Variants in ADGRL3 observed in about 807,000 individuals in gnomAD.
ADGRL3 encodes calcium-independent alpha-latrotoxin receptor 3.
Under a neutral mutation model 153.5 loss-of-function variants are expected in ADGRL3, and 62 were observed. That is an observed-to-expected ratio of 0.40 (90% CI 0.33 to 0.50). The LOEUF (loss-of-function observed/expected upper bound fraction) is 0.50, where lower values mean the gene tolerates loss of function less well. ADGRL3 is among the 20% of genes least tolerant of loss of function. The probability of loss-of-function intolerance (pLI) is 0.47; values close to 1 mark genes in which losing one functional copy is unlikely to be tolerated. For missense variants in ADGRL3, 1,641 were observed against 1,859.4 expected (o/e 0.88, Z 2.16); for synonymous variants, 710 against 672.5 (o/e 1.06, Z -0.86).
intron 1 of ADGRL3, among the ~76,000 whole-genome samples, chr4:61,291,306 A>C (rs1326301078): frequency 6.6e-6 from 1 of 151,878 alleles, no homozygotes; most frequent in African/African-American, 2.4e-5. Flanking sequence ...AAAAAAATTG[A>C]AAATAACTGT....
At chr4:61,887,348 A>T (rs957240809) in intron 9 of ADGRL3, among the ~76,000 whole-genome samples, 10 of 152,166 alleles carry the variant, frequency 6.6e-5, no homozygotes, top group African/African-American at 2.4e-4. Context: ...GCATGAAATC[A>T]TTGAGAATGA....
chr4:61,680,964 G>T (rs1399977519), intron 6 of ADGRL3, among the ~76,000 whole-genome samples: 1 of 152,040 alleles, frequency 6.6e-6, no homozygotes, highest in East Asian at 1.9e-4. Flanking sequence ...CTCAGTTCCA[G>T]TATGACTTTT....
At chr4:61,320,372 T>C (rs1303726944) in intron 1 of ADGRL3, among the ~76,000 whole-genome samples, 1 of 152,214 alleles carries the variant, frequency 6.6e-6, no homozygotes, top group East Asian at 1.9e-4. Context: ...GTTCTTTAGA[T>C]AAACAGAACT....
chr4:61,760,156 G>T (rs1239160577), intron 8 of ADGRL3, among the ~76,000 whole-genome samples: 1 of 152,102 alleles, frequency 6.6e-6, no homozygotes, highest in Non-Finnish European at 1.5e-5. Context: ...CCAGCTGCAT[G>T]CTGGGAGAAC....
chr4:61,302,736 A>G (rs1267268966), intron 1 of ADGRL3, among the ~76,000 whole-genome samples: 1 of 152,120 alleles, frequency 6.6e-6, no homozygotes, highest in African/African-American at 2.4e-5. Flanking sequence ...ATTTTTAAAA[A>G]CCAAGTACCC....
rs1383071860 is a variant in ADGRL3, at chr4:61,912,600, G to A, written c.2074-119G>A. On this transcript the variant is annotated intron_variant, in intron 12 of 26. Coordinates refer to ENST00000683033, the MANE Select transcript of ADGRL3 (RefSeq NM_001387552.1). ...CTTAGCTTTCATTTTCTTCTGAAAAGTAGTGAATGACAAAATAAGGTGTTT... is the reference window on the plus strand; with the variant it reads ...CTTAGCTTTCATTTTCTTCTGAAAAATAGTGAATGACAAAATAAGGTGTTT... 26 of 836,632 alleles carry A rather than the reference G, an allele frequency of 3.1e-5. No individual in the cohort carries two copies. The Admixed American group carries it at 6.0e-4, about 19-fold the overall frequency. 51.8% of individuals were successfully genotyped at this position (836,632 alleles called of 1,614,324 possible).
At chr4:61,704,265 A>G (rs972727121) in intron 6 of ADGRL3, among the ~76,000 whole-genome samples, 8 of 152,192 alleles carry the variant, frequency 5.3e-5, no homozygotes, top group Non-Finnish European at 7.4e-5. Flanking sequence ...GAGTACAGGC[A>G]TACCTCAGAG....
intron 1 of ADGRL3, among the ~76,000 whole-genome samples, chr4:61,343,262 C>G (rs74383124): frequency 6.6e-6 from 1 of 152,138 alleles, no homozygotes; most frequent in Non-Finnish European, 1.5e-5. Context: ...CAAAAATCAG[C>G]GCTAACTTTC....
chr4:61,357,709 A>AT (rs1267602096), intron 1 of ADGRL3, among the ~76,000 whole-genome samples: 2 of 152,268 alleles, frequency 1.3e-5, no homozygotes, highest in Middle Eastern at 3.4e-3. Flanking sequence ...ATATATGTAA[A>AT]TTTTTTTGAC....
intron 3 of ADGRL3, among the ~76,000 whole-genome samples, chr4:61,510,154 T>C (rs959852482): frequency 1.3e-5 from 2 of 152,172 alleles, no homozygotes; most frequent in African/African-American, 4.8e-5. Context: ...CTCTCTGTAA[T>C]ATTAGATGTT....
At chr4:61,877,542 GA>G (rs1165530129) in intron 9 of ADGRL3, among the ~76,000 whole-genome samples, 6 of 152,168 alleles carry the variant, frequency 3.9e-5, no homozygotes, top group African/African-American at 1.4e-4. Context: ...CATGAATGGA[GA>G]CTTTTTGAAA....
intron 2 of ADGRL3, among the ~76,000 whole-genome samples, chr4:61,394,091 G>T (rs945346746): frequency 6.6e-6 from 1 of 152,072 alleles, no homozygotes; most frequent in African/African-American, 2.4e-5. Flanking sequence ...AACAGAGAAT[G>T]GTCATTCTAA....
At chr4:61,314,487 C>T (rs192004772) in intron 1 of ADGRL3, among the ~76,000 whole-genome samples, 6 of 152,252 alleles carry the variant, frequency 3.9e-5, no homozygotes, top group Admixed American at 2.0e-4. Context: ...GGATTATAGG[C>T]GTGAGCCACT....
At chr4:61,558,633 G>C (rs111545885) in intron 4 of ADGRL3, among the ~76,000 whole-genome samples, 5,070 of 151,392 alleles carry the variant, frequency 0.033, 261 homozygotes, top group African/African-American at 0.11. Context: ...TCATCTATCT[G>C]TCTGTCTGTC....
intron 3 of ADGRL3, among the ~76,000 whole-genome samples, chr4:61,516,239 AT>A (rs1181639659): frequency 2.6e-5 from 4 of 152,078 alleles, no homozygotes; most frequent in South Asian, 4.1e-4. Flanking sequence ...CACTGTATAA[AT>A]TTCTAGTGTT....
chr4:61,641,443 C>A (rs1164329357), intron 5 of ADGRL3, among the ~76,000 whole-genome samples: 2 of 119,392 alleles, frequency 1.7e-5, no homozygotes, highest in Non-Finnish European at 3.4e-5. Flanking sequence ...CCCCTCCCCC[C>A]ACCCCACAAC....
intron 2 of ADGRL3, among the ~76,000 whole-genome samples, chr4:61,407,389 A>C (rs1269123494): frequency 6.6e-6 from 1 of 152,090 alleles, no homozygotes; most frequent in Non-Finnish European, 1.5e-5. Context: ...TGCCTTTTAA[A>C]ACTTAAATAA....
chr4:61,975,331 A>AC (rs1462730940), intron 17 of ADGRL3, among the ~76,000 whole-genome samples: 1 of 152,136 alleles, frequency 6.6e-6, no homozygotes, highest in African/African-American at 2.4e-5. Flanking sequence ...CCACGCAGAT[A>AC]TCTTTTGGAA....
At chr4:61,924,385 C>G (rs2098785098) in intron 13 of ADGRL3, among the ~76,000 whole-genome samples, 1 of 152,178 alleles carries the variant, frequency 6.6e-6, no homozygotes, top group African/African-American at 2.4e-5. Context: ...TTGGTGATCT[C>G]ATTGATTTAA....
Sources: allele counts gnomAD v4.1 joint callset (sites outside exome capture counted in the v4.1 genomes callset), GRCh38; gene constraint gnomAD v4.1.1; transcripts MANE v1.5; gene names NCBI Gene and HGNC (gene_info 2026-07-23, HGNC 2026-07-21).